The following GPHN variants were observed in gnomAD, a reference collection of about 807,000 sequenced individuals.
GPHN encodes the protein gephyrin.
In GPHN, 17 loss-of-function variants were observed where a neutral mutation model predicts 95.5. The observed-to-expected ratio is 0.18, with a 90% confidence interval of 0.12 to 0.27. GPHN has a LOEUF of 0.27. Ranked by LOEUF, GPHN falls within the 10% of genes least tolerant of loss-of-function variation. The pLI is 1.00. For missense variants in GPHN, 660 were observed against 978.1 expected, an observed-to-expected ratio of 0.67 and a Z score of 4.34; for synonymous variants, 320 against 322.5, an observed-to-expected ratio of 0.99 and a Z score of 0.08.
chr14:67,578,943 T>A, the GPHN span, among the ~76,000 whole-genome samples: 3 of 152,170 alleles, frequency 2.0e-5, no homozygotes, highest in Non-Finnish European at 4.4e-5. This position sits in a 1 kb window ranked among gnomAD's most constrained non-coding sequence, Gnocchi z 5.0. Context: ...GAAGAAAATA[T>A]CCATGCCAGC....
the GPHN span, among the ~76,000 whole-genome samples, chr14:67,345,278 C>T: frequency 2.0e-5 from 3 of 151,124 alleles, no homozygotes; most frequent in African/African-American, 7.3e-5. Context: ...AAGTAGGGGC[C>T]AGGTGCAGTG....
intron 11 of GPHN, among the ~76,000 whole-genome samples, chr14:67,086,660 A>AG (rs1187014235): frequency 6.6e-6 from 1 of 151,380 alleles, no homozygotes; most frequent in African/African-American, 2.4e-5. Context: ...AAAAAAAAAA[A>AG]AAAAAAAGTT....
intron 9 of GPHN, among the ~76,000 whole-genome samples, chr14:67,008,598 G>T (rs996354500): frequency 2.0e-5 from 3 of 151,738 alleles, no homozygotes; most frequent in African/African-American, 7.3e-5. Context: ...AGCCTGGAGT[G>T]CAGTGGCGCA....
At chr14:67,178,799 A>T (rs145725687) in intron 21 of GPHN, among the ~76,000 whole-genome samples, 2 of 152,332 alleles carry the variant, frequency 1.3e-5, no homozygotes, top group East Asian at 3.9e-4. Flanking sequence ...AAAGACAAAG[A>T]ATTATAATAA....
chr14:66,973,168 G>A (rs549603855), intron 9 of GPHN, among the ~76,000 whole-genome samples: 1 of 152,186 alleles, frequency 6.6e-6, no homozygotes, highest in Non-Finnish European at 1.5e-5. Flanking sequence ...CATAGAAGCA[G>A]TATTATAGTG....
chr14:67,237,005 G>T, the GPHN span, among the ~76,000 whole-genome samples: 1 of 151,940 alleles, frequency 6.6e-6, no homozygotes, highest in Non-Finnish European at 1.5e-5. Context: ...CAGGAAAACC[G>T]CTTGAACCCG....
chr14:66,636,804 T>G (rs2064127047), intron 1 of GPHN, among the ~76,000 whole-genome samples: 1 of 152,182 alleles, frequency 6.6e-6, no homozygotes, highest in South Asian at 2.1e-4. Context: ...ATAGAATATA[T>G]AATAAGGCTC....
chr14:67,690,322 A>C, the GPHN span: 1 of 1,614,074 alleles, frequency 6.2e-7, no homozygotes, highest in Non-Finnish European at 8.5e-7. Flanking sequence ...ATGGAAGTGG[A>C]TCCTTCCCAG....
chr14:66,585,802 C>T (rs1190947618), intron 1 of GPHN, among the ~76,000 whole-genome samples: 1 of 152,168 alleles, frequency 6.6e-6, no homozygotes, highest in Non-Finnish European at 1.5e-5. Context: ...GAGTGCTTTA[C>T]TTCCAACTAT....
the GPHN span, among the ~76,000 whole-genome samples, chr14:67,426,584 GT>G: frequency 1.3e-5 from 2 of 151,800 alleles, no homozygotes; most frequent in East Asian, 1.9e-4. Flanking sequence ...GTTTTGTTTT[GT>G]TTTTTTTGAG....
At chr14:67,518,132 C>T in the GPHN span, among the ~76,000 whole-genome samples, 1 of 152,148 alleles carries the variant, frequency 6.6e-6, no homozygotes, top group Non-Finnish European at 1.5e-5. Context: ...GGTGAAGGGG[C>T]CTGGAACAAA....
chr14:66,586,239 T>G (rs1273561505), intron 1 of GPHN, among the ~76,000 whole-genome samples: 1 of 152,182 alleles, frequency 6.6e-6, no homozygotes, highest in Non-Finnish European at 1.5e-5. Context: ...TTCCATTGGT[T>G]TGGTAGATCT....
chr14:66,580,518 A>T (rs1421280656), intron 1 of GPHN, among the ~76,000 whole-genome samples: 1 of 151,846 alleles, frequency 6.6e-6, no homozygotes, highest in Non-Finnish European at 1.5e-5. Context: ...ATTACATCTT[A>T]TATCACTGGA....
intron 1 of GPHN, among the ~76,000 whole-genome samples, chr14:66,558,597 TA>T: frequency 6.6e-6 from 1 of 152,330 alleles, no homozygotes; most frequent in South Asian, 2.1e-4. Flanking sequence ...TTAAAGGCTT[TA>T]TTACATGTTT....
At chr14:67,242,695 C>T in the GPHN span, among the ~76,000 whole-genome samples, 1 of 151,078 alleles carries the variant, frequency 6.6e-6, no homozygotes, top group Non-Finnish European at 1.5e-5. Context: ...TTTCTATTTG[C>T]GGCAGGATGA....
chr14:66,529,329 CT>C (rs1436990663), intron 1 of GPHN, among the ~76,000 whole-genome samples: 1 of 152,030 alleles, frequency 6.6e-6, no homozygotes, highest in Non-Finnish European at 1.5e-5. Context: ...CATTTATGTT[CT>C]TCTCTAAACT....
chr14:67,034,602 T>C (rs1182757274), intron 10 of GPHN, among the ~76,000 whole-genome samples: 1 of 152,046 alleles, frequency 6.6e-6, no homozygotes, highest in Non-Finnish European at 1.5e-5. Flanking sequence ...GAAAAAGATA[T>C]TACTTCATGC....
chr14:67,275,564 T>A, the GPHN span, among the ~76,000 whole-genome samples: 1 of 152,198 alleles, frequency 6.6e-6, no homozygotes, highest in African/African-American at 2.4e-5. Flanking sequence ...TCATCAGGGC[T>A]TTTGGTCTAA....
intron 13 of GPHN, among the ~76,000 whole-genome samples, chr14:67,104,646 G>A (rs2077935581): frequency 1.3e-5 from 2 of 152,038 alleles, no homozygotes; most frequent in Non-Finnish European, 2.9e-5. Flanking sequence ...TTGGCATGTA[G>A]TTCTTCATAG....
Sources: allele counts gnomAD v4.1 joint callset (sites outside exome capture counted in the v4.1 genomes callset), GRCh38; gene constraint gnomAD v4.1.1; non-coding constraint Gnocchi (gnomAD v3.1); transcripts MANE v1.5; gene names NCBI Gene and HGNC (gene_info 2026-07-23, HGNC 2026-07-21).